AHI1: variants seen among roughly 807,000 people sequenced by gnomAD.
AHI1 encodes the protein Abelson helper integration site 1, also known as jouberin.
Under a neutral mutation model 149.3 loss-of-function variants are expected in AHI1, and 123 were observed. The ratio of observed to expected loss-of-function variants is 0.82; its 90% CI spans 0.71 to 0.96. The LOEUF (loss-of-function observed/expected upper bound fraction) is 0.96. Among genes scored for constraint, AHI1 ranks in the 40% least tolerant of loss-of-function variants. The pLI, the probability that AHI1 is intolerant of heterozygous loss-of-function variation, is 0.00. For missense variants in AHI1, 1,439 were observed against 1,422.7 expected (o/e 1.01, Z -0.18); for synonymous variants, 475 against 459.8 (o/e 1.03, Z -0.42).
chr6:135,339,059 C>G (rs1582676343), intron 24 of AHI1, among the ~76,000 whole-genome samples: 1 of 151,990 alleles, frequency 6.6e-6, no homozygotes, highest in East Asian at 1.9e-4. Flanking sequence ...TCCCAAGTAG[C>G]TGGGATTACA....
chr6:135,423,367 T>G (rs1177312179), intron 20 of AHI1, among the ~76,000 whole-genome samples: 2 of 152,196 alleles, frequency 1.3e-5, no homozygotes, highest in African/African-American at 4.8e-5. Context: ...TGCCAGGTAC[T>G]ATGTTAGACA....
intron 9 of AHI1, among the ~76,000 whole-genome samples, chr6:135,457,231 C>A (rs1789110590): frequency 6.6e-6 from 1 of 152,184 alleles, no homozygotes. Context: ...TTGCAGTGAG[C>A]CAAGATTGAG....
chr6:135,288,208 C>CAGGGG (rs1031370475), intron 28 of AHI1, among the ~76,000 whole-genome samples: 14 of 151,940 alleles, frequency 9.2e-5, no homozygotes, highest in Non-Finnish European at 2.1e-4. Flanking sequence ...AGGCTAAGTG[C>CAGGGG]AGGGGAGGAA....
Position 135,490,642 on chromosome 6 carries a change from C to T in AHI1, c.116G>A (p.Arg39Lys), listed in dbSNP as rs764600553. 1.2e-6 allele frequency: 2 copies of T among 1,613,428 alleles called. No homozygotes were observed. Among genetic ancestry groups the T allele is most frequent in the Admixed American group, 3.3e-5 (2 of 59,988 alleles). Reference protein sequence around the residue: ...EKKKLKKKLVRSEENISPDTI... With the variant: ...EKKKLKKKLVKSEENISPDTI... ...ACTTACTGAGATGTTTTCTTCAGAC[C>T]TGACAAGTTTTTTCTTCAGTTTTTT... Residue 39 changes from arginine (R) to lysine (K), a missense_variant, in exon 5 of 29, where the codon AGG becomes AAG. Coordinates refer to ENST00000265602, the MANE Select transcript of AHI1 (RefSeq NM_001134831.2).
chr6:135,446,034 C>T (rs1181314824), intron 13 of AHI1, among the ~76,000 whole-genome samples: 9 of 151,396 alleles, frequency 5.9e-5, no homozygotes, highest in African/African-American at 7.3e-5. Context: ...CCAGCCTGGG[C>T]GACAGAGCAA....
intron 27 of AHI1, among the ~76,000 whole-genome samples, chr6:135,295,456 A>G (rs918402107): frequency 6.6e-5 from 10 of 152,180 alleles, no homozygotes; most frequent in African/African-American, 1.9e-4. Flanking sequence ...TCTTTCAGTG[A>G]TATGATGTTA....
intron 20 of AHI1, among the ~76,000 whole-genome samples, chr6:135,419,720 T>C (rs1221737230): frequency 2.6e-5 from 4 of 152,116 alleles, no homozygotes; most frequent in African/African-American, 9.7e-5. Context: ...TGCTGACTGA[T>C]AAATGGGGTG....
In AHI1 at chr6:135,435,002, C is replaced by T. The variant is rs193292740; in HGVS notation, c.2037-1746G>A. 2.0e-5 allele frequency among the ~76,000 whole-genome samples: 3 copies of T among 152,262 alleles called. 1 individual carries two copies. In the East Asian group the frequency reaches 5.8e-4, roughly 29 times the overall value. ...CAGAAAGCTAATCAAGTGGGAAATA[C>T]TTAGGAGACACTAACAATAATATGT... On this transcript the variant is annotated intron_variant, in intron 15 of 28. Transcript: ENST00000265602.
intron 3 of AHI1, 156 bp downstream of exon 3, chr6:135,495,658 T>C (rs1040182378): frequency 6.6e-6 from 1 of 152,220 alleles, no homozygotes; most frequent in African/African-American, 2.4e-5. Context: ...CCCACCAAAC[T>C]GCTAGCTTTG....
At chr6:135,398,921 TGCTTATAATCCCA>T (rs1449897763) in intron 22 of AHI1, among the ~76,000 whole-genome samples, 1 of 152,158 alleles carries the variant, frequency 6.6e-6, no homozygotes, top group Non-Finnish European at 1.5e-5. Flanking sequence ...CAACGACTAA[TGCTTATAATCCCA>T]GCAATTTGGG....
chr6:135,449,048 G>GT (rs1166008635), intron 11 of AHI1, among the ~76,000 whole-genome samples: 6 of 151,990 alleles, frequency 3.9e-5, no homozygotes, highest in African/African-American at 1.4e-4. Flanking sequence ...CTAAATGGAG[G>GT]TTTTTGTCTC....
intron 7 of AHI1, 114 bp from the exon 8 acceptor site, chr6:135,463,420 T>A (rs1356695343): frequency 1.1e-6 from 1 of 872,634 alleles, no homozygotes; most frequent in African/African-American, 1.7e-5. Context: ...AAAATCACTA[T>A]TATTGTCTCT....
chr6:135,479,268 T>C (rs1429483389), intron 5 of AHI1, among the ~76,000 whole-genome samples: 4 of 152,156 alleles, frequency 2.6e-5, no homozygotes, highest in African/African-American at 9.7e-5. Context: ...TCCAGATAGT[T>C]TGCACCATGC....
intron 20 of AHI1, among the ~76,000 whole-genome samples, chr6:135,413,221 T>G (rs1326899754): frequency 2.6e-5 from 4 of 151,942 alleles, no homozygotes; most frequent in Admixed American, 6.6e-5. Context: ...TTCCAGCTAC[T>G]GAGGAGGCTG....
intron 5 of AHI1, among the ~76,000 whole-genome samples, chr6:135,480,130 A>AT (rs1793382629): frequency 6.6e-6 from 1 of 152,072 alleles, no homozygotes; most frequent in Admixed American, 6.5e-5. Flanking sequence ...GACTAATACA[A>AT]TTTTCTACCA....
At chr6:135,350,352 C>T (rs915630524) in intron 24 of AHI1, among the ~76,000 whole-genome samples, 129 of 152,296 alleles carry the variant, frequency 8.5e-4, no homozygotes, top group African/African-American at 3.1e-3. Flanking sequence ...TCCTGCCTCC[C>T]TTTCTACCAT....
At chr6:135,298,671 T>G (rs1265812432) in intron 27 of AHI1, among the ~76,000 whole-genome samples, 1 of 152,214 alleles carries the variant, frequency 6.6e-6, no homozygotes, top group African/African-American at 2.4e-5. Context: ...TTAGATGAAC[T>G]TGGGCATTTA....
chr6:135,298,327 CAAA>C (rs59847805), intron 27 of AHI1, among the ~76,000 whole-genome samples: 7 of 105,890 alleles, frequency 6.6e-5, no homozygotes, highest in Middle Eastern at 5.9e-3. Context: ...TGACATTTCT[CAAA>C]AAAAAAAAAA....
At chr6:135,297,250 A>G (rs1292888008) in intron 27 of AHI1, among the ~76,000 whole-genome samples, 1 of 152,192 alleles carries the variant, frequency 6.6e-6, no homozygotes. Context: ...GCATTCTTCT[A>G]GAGCCACAAT....
Sources: gnomAD v4.1 joint callset for allele counts (sites outside exome capture counted in the v4.1 genomes callset) on GRCh38, gnomAD v4.1.1 for gene constraint, MANE v1.5 for transcripts, NCBI Gene and HGNC (gene_info 2026-07-23, HGNC 2026-07-21) for gene names.